FBXL13: variants seen among roughly 807,000 people sequenced by gnomAD.
The protein encoded by FBXL13 is F-box and leucine rich repeat protein 13.
FBXL13 carries 67 observed loss-of-function variants against 83.6 expected under a neutral mutation model. The ratio of observed to expected loss-of-function variants is 0.80; its 90% CI spans 0.66 to 0.98. The LOEUF is 0.98. Ranked by LOEUF, FBXL13 falls within the 50% of genes least tolerant of loss-of-function variation. FBXL13 has a pLI of 0.00. For missense variants in FBXL13, 822 were observed against 866.5 expected, an observed-to-expected ratio of 0.95 and a Z score of 0.64; for synonymous variants, 272 against 299.5, an observed-to-expected ratio of 0.91 and a Z score of 0.95.
chr7:103,034,487 C>T (rs1335986602), intron 2 of FBXL13, among the ~76,000 whole-genome samples: 1 of 152,236 alleles, frequency 6.6e-6, no homozygotes. Flanking sequence ...GGCCGGCTGG[C>T]CGCTCTGAGT....
chr7:102,924,814 C>G lies in FBXL13; in HGVS notation c.878+1460G>C, dbSNP rs559577824. On this transcript the variant is annotated intron_variant, in intron 10 of 19. Transcript: ENST00000313221. ...CACCACCGCACCCGGCTAATTTTTT[C>G]TATTTTTTAGTAGAGACGGGGTTTC... Among the ~76,000 whole-genome samples the G allele has an allele frequency of 3.7e-3, 565 of 151,776 alleles. 5 individuals are homozygous for G. Among genetic ancestry groups the G allele is most frequent in the African/African-American group, 0.013 (558 of 41,430 alleles).
At chr7:102,853,055 AAGTGGAGTAACT>A (rs1275863890) in intron 17 of FBXL13, among the ~76,000 whole-genome samples, 1 of 152,220 alleles carries the variant, frequency 6.6e-6, no homozygotes, top group Non-Finnish European at 1.5e-5. Context: ...CCATTATTCT[AAGTGGAGTAACT>A]CAGTAATGGA....
intron 2 of FBXL13, among the ~76,000 whole-genome samples, chr7:103,046,443 G>C (rs1035410385): frequency 1.3e-5 from 2 of 152,170 alleles, no homozygotes; most frequent in African/African-American, 4.8e-5. Context: ...AAGAGTGAAG[G>C]CCTCCTGGCA....
intron 1 of FBXL13, among the ~76,000 whole-genome samples, chr7:103,069,195 C>A (rs567493889): frequency 6.6e-6 from 1 of 152,002 alleles, no homozygotes. Context: ...TCCCTGGCTG[C>A]CCCACAGTCT....
At chr7:102,853,290 T>G (rs1805538807) in intron 17 of FBXL13, among the ~76,000 whole-genome samples, 4 of 152,064 alleles carry the variant, frequency 2.6e-5, no homozygotes, top group Admixed American at 1.3e-4. Context: ...AACATACTCA[T>G]GTAACCAAAC....
intron 17 of FBXL13, among the ~76,000 whole-genome samples, chr7:102,846,197 T>TA (rs914564781): frequency 5.9e-5 from 9 of 151,890 alleles, no homozygotes; most frequent in South Asian, 2.1e-4. Context: ...CCTCATCATT[T>TA]AAAAAAAAAT....
At chr7:102,886,612 T>C (rs760550822) in intron 11 of FBXL13, among the ~76,000 whole-genome samples, 5 of 152,218 alleles carry the variant, frequency 3.3e-5, no homozygotes, top group Non-Finnish European at 7.3e-5. Context: ...TGATTAGTTA[T>C]TAAATGAATC....
chr7:102,966,594 G>T (rs1420062066), intron 7 of FBXL13, among the ~76,000 whole-genome samples: 1 of 152,182 alleles, frequency 6.6e-6, no homozygotes, highest in East Asian at 1.9e-4. Context: ...GATCTCACTA[G>T]ATAAAGACCA....
intron 17 of FBXL13, among the ~76,000 whole-genome samples, chr7:102,836,645 G>A (rs59544295): frequency 0.21 from 32,078 of 152,180 alleles, 3,989 homozygotes; most frequent in East Asian, 0.59. Context: ...GCTGTGTGTT[G>A]GCAATCTGGA....
chr7:103,017,082 G>A (rs1792441558), intron 6 of FBXL13, among the ~76,000 whole-genome samples: 1 of 152,140 alleles, frequency 6.6e-6, no homozygotes, highest in African/African-American at 2.4e-5. Flanking sequence ...TCCCAGTAGA[G>A]GCAGACTGAC....
intron 17 of FBXL13, among the ~76,000 whole-genome samples, chr7:102,850,479 A>G (rs1279149721): frequency 6.6e-6 from 1 of 152,206 alleles, no homozygotes; most frequent in Non-Finnish European, 1.5e-5. Flanking sequence ...CCCAGTATTA[A>G]AAATGTTAAT....
intron 2 of FBXL13, among the ~76,000 whole-genome samples, chr7:103,046,623 A>T (rs1334290330): frequency 6.6e-6 from 1 of 152,190 alleles, no homozygotes; most frequent in Admixed American, 6.5e-5. Flanking sequence ...ATAAAAGTAT[A>T]CCCTATAAGT....
intron 10 of FBXL13, among the ~76,000 whole-genome samples, chr7:102,922,816 C>CA (rs936284864): frequency 0.017 from 2,428 of 143,208 alleles, 51 homozygotes; most frequent in African/African-American, 0.053. Context: ...ACTAAAAATA[C>CA]AAAAAAAAAA....
In FBXL13 at chr7:102,863,526, G is replaced by A. The variant is rs116667199; in HGVS notation, c.1636-8666C>T. 4.4e-3 allele frequency among the ~76,000 whole-genome samples: 668 copies of A among 151,836 alleles called. 8 individuals carry two copies. The highest frequency in any genetic ancestry group is 0.015 in the African/African-American group (638 of 41,384). The stretch of plus-strand genomic sequence containing the variant: ...AGGGGATAAAATTGGGGGGGGGGAT[G>A]GTACTGAAAATCCTTGTGTGAGTTT... On this transcript the variant is annotated intron_variant, in intron 16 of 19. Coordinates refer to ENST00000313221, the Ensembl canonical transcript of FBXL13.
intron 6 of FBXL13, among the ~76,000 whole-genome samples, chr7:103,021,532 C>T (rs1414300256): frequency 6.6e-6 from 1 of 152,156 alleles, no homozygotes; most frequent in Non-Finnish European, 1.5e-5. Flanking sequence ...AAACTACCAT[C>T]AGAGTGAACA....
At chr7:102,999,228 A>G (rs1585297768) in intron 6 of FBXL13, among the ~76,000 whole-genome samples, 1 of 152,072 alleles carries the variant, frequency 6.6e-6, no homozygotes, top group Non-Finnish European at 1.5e-5. Flanking sequence ...ATGTTTATTT[A>G]TTTGTGTATG....
intron 8 of FBXL13, among the ~76,000 whole-genome samples, chr7:102,954,012 C>T (rs188179280): frequency 1.4e-4 from 22 of 152,180 alleles, no homozygotes; most frequent in Admixed American, 3.3e-4. Context: ...TCAACATGAT[C>T]GACGCAGAAG....
chr7:103,049,582 C>T (rs1209697093), intron 2 of FBXL13, among the ~76,000 whole-genome samples: 1 of 152,150 alleles, frequency 6.6e-6, no homozygotes, highest in Non-Finnish European at 1.5e-5. Flanking sequence ...TTTTAAGTTT[C>T]TTAATTAGAT....
rs1164830801 is a variant in FBXL13, at chr7:103,017,769, A to G, written c.495+7294T>C. 2.7e-5 allele frequency among the ~76,000 whole-genome samples: 4 copies of G among 148,418 alleles called. No individual in the cohort carries two copies. The East Asian group carries it at 7.7e-4, about 29-fold the overall frequency. On this transcript the variant is annotated intron_variant, in intron 6 of 19. Transcript: ENST00000313221. ...TGAAATGAAGTGAGAAGACAAGTTT[A>G]GAGAAAAAAAAGAGTAAAAAGAAAT...
Sources: allele counts gnomAD v4.1 joint callset (sites outside exome capture counted in the v4.1 genomes callset), GRCh38; gene constraint gnomAD v4.1.1; transcripts MANE v1.5; gene names NCBI Gene and HGNC (gene_info 2026-07-23, HGNC 2026-07-21).